The following LRMDA variants were observed in gnomAD, a reference collection of about 807,000 sequenced individuals.
The protein encoded by LRMDA is leucine-rich melanocyte differentiation-associated protein.
A neutral mutation model predicts 29.8 loss-of-function variants in LRMDA; 18 were observed. The ratio of observed to expected loss-of-function variants is 0.60; its 90% CI spans 0.42 to 0.90. The LOEUF (loss-of-function observed/expected upper bound fraction) is 0.90. LRMDA is among the 40% of genes least tolerant of loss of function. The pLI is 0.00. For missense variants in LRMDA, 273 were observed against 273.9 expected (o/e 1.00, Z 0.02); for synonymous variants, 125 against 109.4 (o/e 1.14, Z -0.89).
chr10:75,687,590 C>G (rs1842098160), intron 2 of LRMDA, among the ~76,000 whole-genome samples: 1 of 152,194 alleles, frequency 6.6e-6, no homozygotes, highest in African/African-American at 2.4e-5. Context: ...GGTGAAGCAG[C>G]AAGTGCTGAT....
At chr10:76,152,349 A>G (rs1297905398) in intron 5 of LRMDA, among the ~76,000 whole-genome samples, 2 of 152,176 alleles carry the variant, frequency 1.3e-5, no homozygotes, top group African/African-American at 2.4e-5. Flanking sequence ...ATAAATCAGA[A>G]CTTCCTTTCC....
chr10:75,756,845 T>C (rs1843038444), intron 2 of LRMDA, among the ~76,000 whole-genome samples: 1 of 152,220 alleles, frequency 6.6e-6, no homozygotes, highest in South Asian at 2.1e-4. Flanking sequence ...CTAAAGACTC[T>C]TTTCTTCATC....
At chr10:75,820,069 A>G (rs1050041523) in intron 2 of LRMDA, among the ~76,000 whole-genome samples, 1 of 152,232 alleles carries the variant, frequency 6.6e-6, no homozygotes, top group Non-Finnish European at 1.5e-5. Context: ...TAAGGGGGAC[A>G]TCAGTAATCT....
chr10:75,551,464 T>C (rs1036513946), intron 2 of LRMDA, among the ~76,000 whole-genome samples: 1 of 152,054 alleles, frequency 6.6e-6, no homozygotes. Flanking sequence ...ATGTATGTCT[T>C]CTAATGCTAC....
intron 2 of LRMDA, among the ~76,000 whole-genome samples, chr10:75,543,236 T>C (rs931921997): frequency 6.6e-6 from 1 of 152,208 alleles, no homozygotes; most frequent in East Asian, 1.9e-4. Context: ...CATGAGGCCA[T>C]GGGTCCCTCC....
chr10:75,486,232 T>A (rs548267848), intron 2 of LRMDA, among the ~76,000 whole-genome samples: 43 of 152,310 alleles, frequency 2.8e-4, no homozygotes, highest in African/African-American at 1.0e-3. Context: ...AATTTAGGTA[T>A]TTTTTATTAC....
intron 6 of LRMDA, among the ~76,000 whole-genome samples, chr10:76,410,100 G>A (rs967224812): frequency 1.3e-5 from 2 of 152,044 alleles, no homozygotes; most frequent in South Asian, 2.1e-4. Context: ...AGAGGGCAGA[G>A]GCATGGAATG....
chr10:75,895,483 A>G (rs1845565962), intron 2 of LRMDA, among the ~76,000 whole-genome samples: 1 of 152,186 alleles, frequency 6.6e-6, no homozygotes, highest in Admixed American at 6.5e-5. Context: ...TGAAGGTCAC[A>G]CAGCTGGCTA....
intron 2 of LRMDA, among the ~76,000 whole-genome samples, chr10:76,000,228 A>G (rs1458702873): frequency 1.3e-5 from 2 of 152,158 alleles, no homozygotes; most frequent in African/African-American, 4.8e-5. Context: ...GAGCCCTGAC[A>G]TTATATGTGT....
chr10:75,957,668 T>G (rs56843487), intron 2 of LRMDA, among the ~76,000 whole-genome samples: 2,711 of 152,248 alleles, frequency 0.018, 65 homozygotes, highest in East Asian at 0.064. Context: ...CACGGAGTGA[T>G]GGGTAGCCAT....
intron 2 of LRMDA, among the ~76,000 whole-genome samples, chr10:75,543,456 GA>G (rs983020621): frequency 6.0e-5 from 9 of 150,462 alleles, no homozygotes; most frequent in African/African-American, 2.0e-4. Context: ...TTTACTTCAA[GA>G]AAAAAAAATG....
intron 2 of LRMDA, among the ~76,000 whole-genome samples, chr10:76,009,853 C>T (rs965981600): frequency 6.6e-6 from 1 of 151,988 alleles, no homozygotes; most frequent in Non-Finnish European, 1.5e-5. Flanking sequence ...TGCCTCCTCC[C>T]CCAGCCCCTC....
intron 2 of LRMDA, among the ~76,000 whole-genome samples, chr10:75,899,840 T>C (rs1242054889): frequency 6.6e-6 from 1 of 152,174 alleles, no homozygotes; most frequent in Non-Finnish European, 1.5e-5. Flanking sequence ...TCAACTCCCT[T>C]GCAGGAATGT....
At chr10:75,665,868 C>G (rs183359712) in intron 2 of LRMDA, among the ~76,000 whole-genome samples, 14 of 152,088 alleles carry the variant, frequency 9.2e-5, no homozygotes, top group Middle Eastern at 3.4e-3. Context: ...AATTGTGTGC[C>G]CTGTATTATG....
At chr10:76,016,345 G>GA (rs1847878612) in intron 2 of LRMDA, among the ~76,000 whole-genome samples, 1 of 148,048 alleles carries the variant, frequency 6.8e-6, no homozygotes, top group African/African-American at 2.5e-5. Context: ...CAAATACTCT[G>GA]ATTTTTTTTT....
chr10:76,239,520 T>C (rs935866665), intron 5 of LRMDA, among the ~76,000 whole-genome samples: 1 of 152,170 alleles, frequency 6.6e-6, no homozygotes, highest in Non-Finnish European at 1.5e-5. Context: ...TGATCTTTTT[T>C]AGTCTTTAAT....
intron 4 of LRMDA, among the ~76,000 whole-genome samples, chr10:76,047,623 A>G (rs1283076577): frequency 1.3e-5 from 2 of 152,244 alleles, no homozygotes; most frequent in Non-Finnish European, 2.9e-5. Flanking sequence ...GTAGTCATAC[A>G]TAATTTGTGA....
At chr10:76,311,432 T>C (rs575117945) in intron 5 of LRMDA, among the ~76,000 whole-genome samples, 3 of 152,228 alleles carry the variant, frequency 2.0e-5, no homozygotes, top group Non-Finnish European at 2.9e-5. Flanking sequence ...ATTTATGACT[T>C]TCTATTTTTG....
At chr10:75,835,125 T>C (rs868421298) in intron 2 of LRMDA, among the ~76,000 whole-genome samples, 1 of 152,214 alleles carries the variant, frequency 6.6e-6, no homozygotes, top group Non-Finnish European at 1.5e-5. Flanking sequence ...ACACATTTGT[T>C]CTCTTATAGT....
Sources: allele counts gnomAD v4.1 joint callset (sites outside exome capture counted in the v4.1 genomes callset), GRCh38; gene constraint gnomAD v4.1.1; transcripts MANE v1.5; gene names NCBI Gene and HGNC (gene_info 2026-07-23, HGNC 2026-07-21).